The following DPYSL5 variants were observed in gnomAD, a reference collection of about 807,000 sequenced individuals.
The protein encoded by DPYSL5 is dihydropyrimidinase-related protein 5.
A neutral mutation model predicts 58.4 loss-of-function variants in DPYSL5; 9 were observed. That is an observed-to-expected ratio of 0.15 (90% confidence interval 0.09 to 0.27). DPYSL5 has a LOEUF of 0.27. Ranked by LOEUF, DPYSL5 falls within the 10% of genes least tolerant of loss-of-function variation. The pLI is 1.00. For missense variants in DPYSL5, 499 were observed against 770.6 expected, an observed-to-expected ratio of 0.65 and a Z score of 4.17; for synonymous variants, 293 against 301.9, an observed-to-expected ratio of 0.97 and a Z score of 0.31.
At chr2:26,931,152 A>AAAT (rs1209140758) in intron 5 of DPYSL5, among the ~76,000 whole-genome samples, 42 of 48,810 alleles carry the variant, frequency 8.6e-4, no homozygotes, top group African/African-American at 2.4e-3. Flanking sequence ...AAAAAAAAAA[A>AAAT]ATATATATAT....
At chr2:26,862,661 G>A (rs1186480133) in intron 1 of DPYSL5, among the ~76,000 whole-genome samples, 2 of 152,170 alleles carry the variant, frequency 1.3e-5, no homozygotes, top group Non-Finnish European at 2.9e-5. Context: ...GCTTCTGCCT[G>A]GATGTTGGCA....
chr2:26,866,800 C>T (rs1236526530), intron 1 of DPYSL5, among the ~76,000 whole-genome samples: 3 of 148,594 alleles, frequency 2.0e-5, no homozygotes, highest in East Asian at 2.0e-4. Flanking sequence ...GGCATGATCT[C>T]GGCTCACTGC....
At chr2:26,941,180 C>T (rs970801903) in intron 9 of DPYSL5, among the ~76,000 whole-genome samples, 17 of 152,062 alleles carry the variant, frequency 1.1e-4, no homozygotes, top group South Asian at 4.1e-4. Context: ...CCTCGTGATC[C>T]GCCCGTCTTG....
chr2:26,945,701 A>G (rs1665460281), intron 12 of DPYSL5, among the ~76,000 whole-genome samples: 1 of 152,226 alleles, frequency 6.6e-6, no homozygotes, highest in South Asian at 2.1e-4. Flanking sequence ...ATAAGCCCAG[A>G]GAGAGACCAA....
Position 26,924,993 on chromosome 2 carries a change from A to C in DPYSL5, c.368A>C (p.Lys123Thr). 6.2e-7 allele frequency: 1 copy of C among 1,614,146 alleles called. No individual in the cohort carries two copies. Among genetic ancestry groups the C allele is most frequent in the Non-Finnish European group, 8.5e-7 (1 of 1,180,012 alleles). The change falls in exon 3 of 13, where the codon AAG becomes ACG. Residue 123 changes from lysine to threonine, a missense_variant. Coordinates refer to ENST00000288699, the MANE Select transcript of DPYSL5 (RefSeq NM_020134.4). The surrounding 1 kb of genome is among the most constrained non-coding windows in gnomAD (Gnocchi z 4.7). The part of the protein sequence containing the change: ...YEKCRGLADP[K>T]VCCDYALHVG... ...AAGTGCCGAGGTCTGGCCGACCCCAAGGTCTGCTGTGATTACGCCCTCCAC... is the reference window on the plus strand; with the variant it reads ...AAGTGCCGAGGTCTGGCCGACCCCACGGTCTGCTGTGATTACGCCCTCCAC...
chr2:26,908,655 G>A (rs553187035), intron 2 of DPYSL5, among the ~76,000 whole-genome samples: 1 of 152,328 alleles, frequency 6.6e-6, no homozygotes, highest in Non-Finnish European at 1.5e-5. Flanking sequence ...TATCAATGCA[G>A]ATTATTGCAT....
intron 1 of DPYSL5, among the ~76,000 whole-genome samples, chr2:26,886,043 A>T (rs943271149): frequency 6.6e-6 from 1 of 152,210 alleles, no homozygotes; most frequent in Non-Finnish European, 1.5e-5. Context: ...GGAACCCAGT[A>T]GAATGGTCCA....
At chr2:26,873,169 A>T (rs1043750370) in intron 1 of DPYSL5, among the ~76,000 whole-genome samples, 1 of 152,208 alleles carries the variant, frequency 6.6e-6, no homozygotes, top group African/African-American at 2.4e-5. Context: ...TGTTGTTTTT[A>T]AATCAACATT....
chr2:26,938,770 C>G (rs1402353633), intron 8 of DPYSL5: 1 of 152,260 alleles, frequency 6.6e-6, no homozygotes, highest in Non-Finnish European at 1.5e-5. Context: ...TCTGGGGCCT[C>G]TTACAGAGTA....
chr2:26,865,245 A>G (rs1015924327), intron 1 of DPYSL5, among the ~76,000 whole-genome samples: 3 of 151,220 alleles, frequency 2.0e-5, no homozygotes, highest in Admixed American at 6.6e-5. Flanking sequence ...CACAGAAAGC[A>G]TGGTCTTTCC....
rs1665576112 is a variant in DPYSL5, at chr2:26,949,410, G to A, written c.*2415G>A. 6.6e-6 allele frequency: 1 copy of A among 152,546 alleles called. No individual in the cohort carries two copies. Among genetic ancestry groups the A allele is most frequent in the Admixed American group, 6.5e-5 (1 of 15,292 alleles). 9.4% of individuals were successfully genotyped at this position (152,546 alleles called of 1,614,324 possible). On this transcript the variant is annotated 3_prime_UTR_variant, in exon 13 of 13. Transcript: ENST00000288699. ...GGCTCATGGCAAGTGGCAGCCATTG[G>A]AACAGGGGTGAGGACCCAGGCCTGG...
chr2:26,886,487 G>A (rs1010109144), intron 1 of DPYSL5, among the ~76,000 whole-genome samples: 31 of 151,970 alleles, frequency 2.0e-4, no homozygotes, highest in Admixed American at 1.7e-3. Context: ...ACAAAATATC[G>A]CCTCTGAAGT....
At chr2:26,862,574 C>A (rs1666041012) in intron 1 of DPYSL5, among the ~76,000 whole-genome samples, 1 of 152,176 alleles carries the variant, frequency 6.6e-6, no homozygotes, top group Admixed American at 6.5e-5. Context: ...CCCCAGGAAG[C>A]CATTGCATGT....
chr2:26,921,700 C>T (rs565866835), intron 2 of DPYSL5, among the ~76,000 whole-genome samples: 1 of 152,298 alleles, frequency 6.6e-6, no homozygotes, highest in African/African-American at 2.4e-5. Context: ...TGCGAGCCTG[C>T]AGCTGGGGGA....
chr2:26,928,704 T>TATATATATACACACAC, intron 5 of DPYSL5, among the ~76,000 whole-genome samples: 14 of 62,998 alleles, frequency 2.2e-4, no homozygotes, highest in African/African-American at 7.5e-4. Context: ...TATATATATA[T>TATATATATACACACAC]ACACACACAC....
intron 1 of DPYSL5, among the ~76,000 whole-genome samples, chr2:26,884,063 C>G (rs1663644202): frequency 6.6e-6 from 1 of 152,194 alleles, no homozygotes; most frequent in South Asian, 2.1e-4. Flanking sequence ...AGCTGCCATC[C>G]TTCCAGGGGA....
At chr2:26,935,576 C>G (rs899467976) in intron 8 of DPYSL5, among the ~76,000 whole-genome samples, 3 of 151,316 alleles carry the variant, frequency 2.0e-5, no homozygotes, top group African/African-American at 7.3e-5. Context: ...GTAATCCCAG[C>G]TACTTGGGAG....
At chr2:26,868,989 G>A (rs534959485) in intron 1 of DPYSL5, among the ~76,000 whole-genome samples, 1 of 152,210 alleles carries the variant, frequency 6.6e-6, no homozygotes, top group East Asian at 1.9e-4. Context: ...TTTTGAGACA[G>A]GGTCTTGCTG....
intron 1 of DPYSL5, among the ~76,000 whole-genome samples, chr2:26,852,054 T>C (rs923631018): frequency 6.6e-6 from 1 of 152,212 alleles, no homozygotes; most frequent in African/African-American, 2.4e-5. Context: ...TCTATCTTCC[T>C]GGTGTGAAAA....
Sources: gnomAD v4.1 joint callset for allele counts (sites outside exome capture counted in the v4.1 genomes callset) on GRCh38, gnomAD v4.1.1 for gene constraint, Gnocchi (gnomAD v3.1) non-coding constraint, MANE v1.5 for transcripts, NCBI Gene and HGNC (gene_info 2026-07-23, HGNC 2026-07-21) for gene names.